MACROD1: variants seen among roughly 807,000 people sequenced by gnomAD.
The protein encoded by MACROD1 is mono-ADP ribosylhydrolase 1.
Under a neutral mutation model 41.4 loss-of-function variants are expected in MACROD1, and 31 were observed. The ratio of observed to expected loss-of-function variants is 0.75; its 90% CI spans 0.56 to 1.01. The LOEUF (loss-of-function observed/expected upper bound fraction) is 1.01, where lower values mean the gene tolerates loss of function less well. Ranked by LOEUF, MACROD1 falls within the 50% of genes least tolerant of loss-of-function variation. The pLI, the probability that MACROD1 is intolerant of heterozygous loss-of-function variation, is 0.00. For synonymous variants in MACROD1, 252 were observed against 203.4 expected (o/e 1.24, Z -2.03); for missense variants, 473 against 460.0 (o/e 1.03, Z -0.26).
intron 3 of MACROD1, among the ~76,000 whole-genome samples, chr11:64,017,262 C>T (rs1237092908): frequency 5.9e-5 from 9 of 152,174 alleles, no homozygotes; most frequent in African/African-American, 1.9e-4. Context: ...TGAGCCACCG[C>T]GCCTGGGCAT....
intron 3 of MACROD1, among the ~76,000 whole-genome samples, chr11:64,035,354 G>A (rs1386302154): frequency 2.0e-5 from 3 of 152,262 alleles, no homozygotes; most frequent in African/African-American, 7.2e-5. Flanking sequence ...CAGAGTAGGC[G>A]GTGGGTACCT....
At chr11:64,159,181 T>C (rs760812260) in intron 1 of MACROD1, among the ~76,000 whole-genome samples, 1 of 151,628 alleles carries the variant, frequency 6.6e-6, no homozygotes, top group Non-Finnish European at 1.5e-5. Context: ...TTAGCCGGTG[T>C]GGTGGCACAG....
rs150943813 is a variant in MACROD1, at chr11:64,117,939, G to A, written c.517+33300C>T. The A allele has an allele frequency of 5.0e-5, 81 of 1,613,526 alleles. No individual in the cohort carries two copies. In the East Asian group the frequency reaches 7.3e-4, roughly 15 times the overall value. On this transcript the variant is annotated intron_variant, in intron 3 of 10. Transcript: ENST00000255681. Reference sequence around the variant, plus strand: ...GAGCCTGCCCCTGGCGGGCATCATCGGCGGGGCAGTGGCTCTGGTCTTCCT... The same window carrying A: ...GAGCCTGCCCCTGGCGGGCATCATCAGCGGGGCAGTGGCTCTGGTCTTCCT...
intron 3 of MACROD1, among the ~76,000 whole-genome samples, chr11:64,073,853 C>T (rs919514041): frequency 1.3e-5 from 2 of 152,088 alleles, no homozygotes; most frequent in African/African-American, 4.8e-5. Flanking sequence ...CCTTGCAGGG[C>T]CAGAGATGCA....
At chr11:64,115,174 C>A (rs1039498165) in intron 3 of MACROD1, among the ~76,000 whole-genome samples, 5 of 152,200 alleles carry the variant, frequency 3.3e-5, no homozygotes, top group Non-Finnish European at 5.9e-5. Flanking sequence ...CATGAAGACA[C>A]CTTCCTCACT....
At chr11:64,062,799 A>G (rs1248711870) in intron 3 of MACROD1, among the ~76,000 whole-genome samples, 1 of 152,130 alleles carries the variant, frequency 6.6e-6, no homozygotes, top group Non-Finnish European at 1.5e-5. Flanking sequence ...TGGCTTTATC[A>G]GGTGCCTGCC....
chr11:64,028,515 T>C (rs1433799021), intron 3 of MACROD1, among the ~76,000 whole-genome samples: 1 of 152,208 alleles, frequency 6.6e-6, no homozygotes, highest in African/African-American at 2.4e-5. Flanking sequence ...AGGAGGTCAG[T>C]GTGGCAGCCA....
rs369497656 is a variant in MACROD1 at position 63,998,985 on chromosome 11, G to T, written c.943C>A (p.Arg315=). ...VFLEKDEDIY[R]SRLPHYFPVA The stretch of plus-strand genomic sequence containing the variant: ...GGGAAGTAGTGGGGGAGCCGGCTCC[G>T]GTAGATGTCCTCGTCCTTCTCGAGG... The change falls in exon 9 of 11, where the codon CGG becomes AGG. Residue 315 remains arginine, a synonymous_variant. Transcript: ENST00000255681. 39 of 1,607,942 alleles carry T rather than the reference G, an allele frequency of 2.4e-5. No individual in the cohort carries two copies. Among genetic ancestry groups the T allele is most frequent in the Non-Finnish European group, 3.1e-5 (37 of 1,178,070 alleles).
intron 1 of MACROD1, among the ~76,000 whole-genome samples, chr11:64,153,315 G>A (rs1945613788): frequency 1.3e-5 from 2 of 152,332 alleles, no homozygotes; most frequent in East Asian, 1.9e-4. Context: ...ACAGGCTCCC[G>A]GGATGGGGCA....
intron 3 of MACROD1, among the ~76,000 whole-genome samples, chr11:64,062,994 C>A (rs1435351325): frequency 6.6e-6 from 1 of 152,224 alleles, no homozygotes; most frequent in Non-Finnish European, 1.5e-5. Context: ...GGACAGGGCT[C>A]CCGGCCCATC....
chr11:64,049,716 C>T (rs1425764946), intron 3 of MACROD1, among the ~76,000 whole-genome samples: 1 of 152,240 alleles, frequency 6.6e-6, no homozygotes, highest in Non-Finnish European at 1.5e-5. Context: ...CACCCCAGAG[C>T]CCAGTGTCTT....
chr11:64,154,306 T>G (rs1468381289), intron 1 of MACROD1, among the ~76,000 whole-genome samples: 1 of 152,096 alleles, frequency 6.6e-6, no homozygotes, highest in East Asian at 1.9e-4. Flanking sequence ...CATTCTTCCC[T>G]CTTTTTTACT....
At position 64,064,975 on chromosome 11, in the gene MACROD1, A is replaced by G. The variant is rs1028427256; in HGVS notation, c.518-49694T>C. On this transcript the variant is annotated intron_variant, in intron 3 of 10. Coordinates refer to ENST00000255681, the MANE Select transcript of MACROD1 (RefSeq NM_014067.4). This position sits in a 1 kb window ranked among gnomAD's most constrained non-coding sequence, Gnocchi z 4.5. ...AGACAGACTCAGGGTCTTTCCCTAC[A>G]CTCCAGAGCACAGGCTAGTTGGAAC... Among the ~76,000 whole-genome samples, 3 of 152,064 alleles carry G rather than the reference A, an allele frequency of 2.0e-5. No individual in the cohort carries two copies. Among genetic ancestry groups the G allele is most frequent in the Admixed American group, 1.3e-4 (2 of 15,270 alleles).
intron 3 of MACROD1, among the ~76,000 whole-genome samples, chr11:64,059,739 G>T (rs1379634022): frequency 6.6e-6 from 1 of 152,234 alleles, no homozygotes; most frequent in Non-Finnish European, 1.5e-5. Flanking sequence ...TGAGGCAAAC[G>T]CAGGCCTTCC....
chr11:64,007,560 G>A (rs1388136554), intron 4 of MACROD1, among the ~76,000 whole-genome samples: 2 of 152,146 alleles, frequency 1.3e-5, no homozygotes, highest in Non-Finnish European at 2.9e-5. Context: ...GGACCTCCCG[G>A]GAGGTGCGAG....
chr11:64,123,792 G>T (rs895797905), intron 3 of MACROD1, among the ~76,000 whole-genome samples: 4 of 152,148 alleles, frequency 2.6e-5, no homozygotes, highest in Non-Finnish European at 4.4e-5. Flanking sequence ...CTTGTGGCCA[G>T]TAAAAGGGGA....
At chr11:64,148,843 G>T in intron 3 of MACROD1, 1 of 985,656 alleles carries the variant, frequency 1.0e-6, no homozygotes. Flanking sequence ...CAGGGGCTGG[G>T]GTGGGAGCCA....
rs866819308 is a variant in MACROD1, at chr11:64,035,160, C to T, written c.518-19879G>A. Among the ~76,000 whole-genome samples, 40 of 152,296 alleles carry T rather than the reference C, an allele frequency of 2.6e-4. No individual in the cohort carries two copies. In the Middle Eastern group the frequency reaches 0.01, roughly 39 times the overall value. ...ACTGAGGCTGGGAGAGGTTCAGCAACTTGGCCAAGGTCACAGTCAGCTGGG... is the reference window on the plus strand; with the variant it reads ...ACTGAGGCTGGGAGAGGTTCAGCAATTTGGCCAAGGTCACAGTCAGCTGGG... On this transcript the variant is annotated intron_variant, in intron 3 of 10. Transcript: ENST00000255681.
chr11:64,101,091 T>A (rs577598767), intron 3 of MACROD1, among the ~76,000 whole-genome samples: 1 of 152,180 alleles, frequency 6.6e-6, no homozygotes, highest in Admixed American at 6.5e-5. Flanking sequence ...CCGTTGTTGC[T>A]GTCATGGTTC....
Sources: gnomAD v4.1 joint callset for allele counts (sites outside exome capture counted in the v4.1 genomes callset) on GRCh38, gnomAD v4.1.1 for gene constraint, Gnocchi (gnomAD v3.1) non-coding constraint, MANE v1.5 for transcripts, NCBI Gene and HGNC (gene_info 2026-07-23, HGNC 2026-07-21) for gene names.